NAA60: variants seen among roughly 807,000 people sequenced by gnomAD.
NAA60 encodes the protein N-alpha-acetyltransferase 60, NatF catalytic subunit.
In NAA60, 8 loss-of-function variants were observed where a neutral mutation model predicts 26.1. The ratio of observed to expected loss-of-function variants is 0.31; its 90% CI spans 0.18 to 0.55. The LOEUF is 0.55. Among genes scored for constraint, NAA60 ranks in the 20% least tolerant of loss-of-function variants. NAA60 has a pLI of 0.93. For synonymous variants in NAA60, 131 were observed against 122.5 expected (o/e 1.07, Z -0.46); for missense variants, 290 against 311.3 (o/e 0.93, Z 0.51).
rs540181106 is a variant in NAA60 at position 3,450,779 on chromosome 16, C to A, written c.-7+2239C>A. ...GGTTTTAATGATGAACTAGTTTGTT[C>A]CTTTGTCTCCTGGCTTTCATTCTTC... On this transcript the variant is annotated intron_variant, in intron 2 of 7. Coordinates refer to ENST00000407558, the MANE Select transcript of NAA60 (RefSeq NM_001083601.3). 1.5e-4 allele frequency among the ~76,000 whole-genome samples: 22 copies of A among 150,470 alleles called. 1 individual carries two copies. Among genetic ancestry groups the A allele is most frequent in the African/African-American group, 4.9e-4 (20 of 41,020 alleles).
chr16:3,462,452 A>G (rs1441775726), intron 2 of NAA60: 1 of 152,162 alleles, frequency 6.6e-6, no homozygotes, highest in Non-Finnish European at 1.5e-5. Flanking sequence ...TAAACTGTTC[A>G]GAGATTATTC....
In NAA60 at chr16:3,483,474, A is replaced by G. The variant is rs1336294360; in HGVS notation, c.449A>G (p.Tyr150Cys). ...ACCAACAACACAGCAATAAACTTCT[A>G]TGAAAACAGAGACTTCAAGCAGCAC... ...LTTNNTAINF[Y>C]ENRDFKQHHY... Residue 150 changes from tyrosine (Y) to cysteine (C), a missense_variant, in exon 6 of 8, where the codon TAT becomes TGT. Tyr to Cys is a radical substitution (Grantham distance 194). Coordinates refer to ENST00000407558, the MANE Select transcript of NAA60 (RefSeq NM_001083601.3). The G allele has an allele frequency of 1.9e-6, 3 of 1,613,906 alleles. No individual in the cohort carries two copies. The highest frequency in any genetic ancestry group is 2.5e-6 in the Non-Finnish European group (3 of 1,179,886).
rs560018934 is a variant in NAA60 at position 3,459,042 on chromosome 16, C to T, written c.-7+10502C>T. Among the ~76,000 whole-genome samples the T allele has an allele frequency of 1.6e-4, 25 of 152,278 alleles. No individual in the cohort carries two copies. The South Asian group carries it at 5.0e-3, about 30-fold the overall frequency. On this transcript the variant is annotated intron_variant, in intron 2 of 7. Transcript: ENST00000407558. ...TTTCGTGGGTTTGTTTTCACTCTGCCAAGTCCTTGAGGCGTACACTTTTGT... is the reference window on the plus strand; with the variant it reads ...TTTCGTGGGTTTGTTTTCACTCTGCTAAGTCCTTGAGGCGTACACTTTTGT...
chr16:3,446,725 C>T (rs991744949), intron 1 of NAA60, among the ~76,000 whole-genome samples: 1 of 151,752 alleles, frequency 6.6e-6, no homozygotes, highest in Non-Finnish European at 1.5e-5. Flanking sequence ...ATTCTTGTGC[C>T]TCAGCTACCA....
chr16:3,477,721 G>C (rs1299551325), intron 3 of NAA60, among the ~76,000 whole-genome samples: 1 of 151,206 alleles, frequency 6.6e-6, no homozygotes, highest in South Asian at 2.1e-4. Flanking sequence ...CCTGAGGTCA[G>C]GAGTTCGAGA....
In NAA60 at chr16:3,484,990, G is replaced by T; in HGVS notation, c.*135G>T. ...CTGGGCTCGTCGGCCTGCCCCAGCTGCAGGCCCGGTGCTACACGGGCTCGG... is the reference window on the plus strand; with the variant it reads ...CTGGGCTCGTCGGCCTGCCCCAGCTTCAGGCCCGGTGCTACACGGGCTCGG... On this transcript the variant is annotated 3_prime_UTR_variant, in exon 7 of 8. Coordinates refer to ENST00000407558, the MANE Select transcript of NAA60 (RefSeq NM_001083601.3). 2 of 1,527,970 alleles carry T rather than the reference G, an allele frequency of 1.3e-6. No homozygotes were observed. The highest frequency in any genetic ancestry group is 1.8e-6 in the Non-Finnish European group (2 of 1,139,896). The allele number at this position is 1,527,970 out of a possible 1,614,324, so 94.7% of individuals were successfully genotyped here. A position where few individuals can be genotyped will look rare whatever the true frequency, so the allele number is the denominator to read the frequency against.
chr16:3,445,501 G>A (rs984661236), intron 1 of NAA60, among the ~76,000 whole-genome samples: 4 of 151,380 alleles, frequency 2.6e-5, no homozygotes, highest in African/African-American at 7.3e-5. Flanking sequence ...GGATGGTCTC[G>A]ATCTCGTGAC....
chr16:3,467,857 G>A (rs772402111), intron 2 of NAA60: 8 of 152,144 alleles, frequency 5.3e-5, no homozygotes, highest in Non-Finnish European at 1.0e-4. Flanking sequence ...CTTGAACAAA[G>A]AATTGGACAA....
intron 2 of NAA60, among the ~76,000 whole-genome samples, chr16:3,465,123 C>G (rs555815412): frequency 1.3e-5 from 2 of 151,946 alleles, no homozygotes; most frequent in Non-Finnish European, 2.9e-5. Flanking sequence ...AAAAGTTAGC[C>G]GAATGTGGTG....
intron 7 of NAA60, 37 bp from the exon 8 acceptor site, chr16:3,485,430 G>C (rs755414332): frequency 4.4e-5 from 20 of 459,530 alleles, no homozygotes; most frequent in African/African-American, 3.6e-4. Flanking sequence ...TGTCTCCGCC[G>C]GGCCTTCACC....
chr16:3,468,735 T>G lies in NAA60; in HGVS notation c.-6-7487T>G, dbSNP rs147899026. On this transcript the variant is annotated intron_variant, in intron 2 of 7. Coordinates refer to ENST00000407558, the MANE Select transcript of NAA60 (RefSeq NM_001083601.3). ...CCCAGGAGGCCAGCCAGGAGAGATTTCTCACCCCAGGCTCGAGCCTTTGAA... is the reference window on the plus strand; with the variant it reads ...CCCAGGAGGCCAGCCAGGAGAGATTGCTCACCCCAGGCTCGAGCCTTTGAA... Among the ~76,000 whole-genome samples, 350 of 152,286 alleles carry G rather than the reference T, an allele frequency of 2.3e-3. 1 individual carries two copies. Among genetic ancestry groups the G allele is most frequent in the African/African-American group, 8.1e-3 (335 of 41,550 alleles).
At chr16:3,478,707 C>A (rs998667933) in intron 3 of NAA60, among the ~76,000 whole-genome samples, 2 of 152,170 alleles carry the variant, frequency 1.3e-5, no homozygotes, top group Admixed American at 1.3e-4. Context: ...TCCTCCCTGT[C>A]AGGGAAGGCA....
At position 3,482,585 on chromosome 16, in the gene NAA60, G is replaced by T; in HGVS notation, c.324G>T (p.Arg108Ser). ...GTCTGGGCGTCGTGAAAGAGTTCAG[G>T]AAGCACGGCATAGGTAAGGGCAGCC... ...ILSLGVVKEF[R>S]KHGIGSLLLE... The change falls in exon 5 of 8, where the codon AGG becomes AGT. Residue 108 changes from arginine (R) to serine (S), a missense_variant. Arg to Ser is a moderately radical substitution (Grantham distance 110). Coordinates refer to ENST00000407558, the MANE Select transcript of NAA60 (RefSeq NM_001083601.3). The T allele has an allele frequency of 6.2e-7, 1 of 1,605,730 alleles. No homozygotes were observed. Among genetic ancestry groups the T allele is most frequent in the South Asian group, 1.1e-5 (1 of 89,280 alleles).
At chr16:3,471,578 G>A (rs1201676177) in intron 2 of NAA60, among the ~76,000 whole-genome samples, 2 of 152,270 alleles carry the variant, frequency 1.3e-5, no homozygotes, top group East Asian at 3.9e-4. Context: ...AGGCATCCAC[G>A]GAGGTCAAGG....
chr16:3,450,355 C>G (rs544911093), intron 2 of NAA60, among the ~76,000 whole-genome samples: 2 of 152,182 alleles, frequency 1.3e-5, no homozygotes, highest in African/African-American at 4.8e-5. Flanking sequence ...CAGGGTCTGC[C>G]TAGGAAGGCT....
chr16:3,482,904 G>T, intron 5 of NAA60: 1 of 516,898 alleles, frequency 1.9e-6, no homozygotes, highest in Non-Finnish European at 3.5e-6. Context: ...GCCGCCACAC[G>T]CACAACTCGT....
chr16:3,476,946 C>T (rs1038437381), intron 3 of NAA60, among the ~76,000 whole-genome samples: 3 of 151,964 alleles, frequency 2.0e-5, no homozygotes, highest in African/African-American at 7.3e-5. Flanking sequence ...GAGACTGAGG[C>T]AGGAGAATCA....
At chr16:3,455,853 C>T (rs575955353) in intron 2 of NAA60, among the ~76,000 whole-genome samples, 1 of 151,862 alleles carries the variant, frequency 6.6e-6, no homozygotes, top group Admixed American at 6.6e-5. Flanking sequence ...ATTACAGGCA[C>T]GCACCACTAT....
At chr16:3,449,229 G>A (rs1596281977) in intron 2 of NAA60, among the ~76,000 whole-genome samples, 3 of 152,062 alleles carry the variant, frequency 2.0e-5, no homozygotes, top group Admixed American at 2.0e-4. Flanking sequence ...CAAAAATGTA[G>A]CCGGGTGTGC....
Sources: allele counts gnomAD v4.1 joint callset (sites outside exome capture counted in the v4.1 genomes callset), GRCh38; gene constraint gnomAD v4.1.1; transcripts MANE v1.5; gene names NCBI Gene and HGNC (gene_info 2026-07-23, HGNC 2026-07-21).